AGBL1: variants seen among roughly 807,000 people sequenced by gnomAD.
AGBL1 encodes the protein AGBL carboxypeptidase 1.
Under a neutral mutation model 118.9 loss-of-function variants are expected in AGBL1, and 130 were observed. The observed-to-expected ratio is 1.09, with a 90% CI of 0.95 to 1.26. AGBL1 has a LOEUF of 1.26. Among genes scored for constraint, AGBL1 ranks in the 50% most tolerant of loss-of-function variants. The pLI is 0.00. For synonymous variants in AGBL1, 555 were observed against 478.9 expected (o/e 1.16, Z -2.08); for missense variants, 1,584 against 1,298.1 (o/e 1.22, Z -3.38).
intron 21 of AGBL1, among the ~76,000 whole-genome samples, chr15:86,639,635 C>T (rs995847552): frequency 6.6e-6 from 1 of 152,156 alleles, no homozygotes; most frequent in African/African-American, 2.4e-5. Context: ...CATACAGCTT[C>T]CCGGGTCTCT....
intron 5 of AGBL1, among the ~76,000 whole-genome samples, chr15:86,199,202 A>C (rs1243582312): frequency 6.6e-6 from 1 of 152,102 alleles, no homozygotes; most frequent in Non-Finnish European, 1.5e-5. Flanking sequence ...TTCTTTATAA[A>C]GGTTATATAG....
intron 19 of AGBL1, among the ~76,000 whole-genome samples, chr15:86,523,569 CA>C (rs935647184): frequency 2.0e-5 from 3 of 152,066 alleles, no homozygotes; most frequent in Middle Eastern, 3.4e-3. Context: ...AAAAACTGGG[CA>C]AAAAATCATA....
intron 18 of AGBL1, among the ~76,000 whole-genome samples, chr15:86,443,365 G>A (rs982699283): frequency 2.6e-5 from 4 of 152,262 alleles, no homozygotes; most frequent in South Asian, 4.1e-4. Flanking sequence ...TACGGGGTAT[G>A]TGATATTTTG....
At position 86,442,154 on chromosome 15, in the gene AGBL1, T is replaced by C. The variant is rs571699453; in HGVS notation, c.2555+44608T>C. ...GCCTTGTCACTGGGTACCAGCTATGTGGTGTGTGGTATTCAGCTAGGTTTA... is the reference window on the plus strand; with the variant it reads ...GCCTTGTCACTGGGTACCAGCTATGCGGTGTGTGGTATTCAGCTAGGTTTA... On this transcript the variant is annotated intron_variant, in intron 18 of 22. Transcript: ENST00000614907. 1.4e-4 allele frequency among the ~76,000 whole-genome samples: 21 copies of C among 152,300 alleles called. No individual in the cohort carries two copies. In the East Asian group the frequency reaches 3.9e-3, roughly 28 times the overall value.
intron 7 of AGBL1, among the ~76,000 whole-genome samples, chr15:86,255,529 C>T (rs1164706572): frequency 6.6e-6 from 1 of 152,158 alleles, no homozygotes; most frequent in Non-Finnish European, 1.5e-5. Flanking sequence ...TGCCTGTAAT[C>T]CCAGTACTTT....
intron 18 of AGBL1, among the ~76,000 whole-genome samples, chr15:86,487,752 C>T (rs1447788903): frequency 1.3e-5 from 2 of 152,012 alleles, no homozygotes; most frequent in Non-Finnish European, 2.9e-5. Context: ...CAACGCTGCA[C>T]TGAATGTTGA....
chr15:86,950,274 C>A (rs996922840), intron 23 of AGBL1, among the ~76,000 whole-genome samples: 1 of 150,134 alleles, frequency 6.7e-6, no homozygotes, highest in East Asian at 1.9e-4. Context: ...AAAGTTAAAA[C>A]AAGAAAATAA....
intron 23 of AGBL1, among the ~76,000 whole-genome samples, chr15:86,968,212 G>A (rs752393280): frequency 7.2e-5 from 11 of 151,872 alleles, no homozygotes; most frequent in Middle Eastern, 3.4e-3. Flanking sequence ...CAGAAAGAAG[G>A]CCTAGATTAC....
At chr15:86,742,375 C>A (rs1223256084) in intron 22 of AGBL1, among the ~76,000 whole-genome samples, 1 of 152,138 alleles carries the variant, frequency 6.6e-6, no homozygotes, top group Admixed American at 6.6e-5. Flanking sequence ...AAATATATGA[C>A]AGAAGTGACT....
At chr15:86,742,519 A>G (rs951440414) in intron 22 of AGBL1, among the ~76,000 whole-genome samples, 2 of 152,072 alleles carry the variant, frequency 1.3e-5, no homozygotes, top group African/African-American at 4.8e-5. Flanking sequence ...AGATCAGATT[A>G]TGGGATGCAG....
At chr15:86,419,628 T>C (rs1282642544) in intron 18 of AGBL1, among the ~76,000 whole-genome samples, 1 of 151,392 alleles carries the variant, frequency 6.6e-6, no homozygotes, top group East Asian at 2.0e-4. Context: ...TTCACTCCCC[T>C]GGAAAAGAGG....
chr15:86,887,518 C>A (rs950282407), intron 22 of AGBL1, among the ~76,000 whole-genome samples: 7 of 152,160 alleles, frequency 4.6e-5, no homozygotes, highest in African/African-American at 7.2e-5. Flanking sequence ...TCATTTTAAG[C>A]TTTTAGTTCC....
intron 19 of AGBL1, among the ~76,000 whole-genome samples, chr15:86,535,384 A>T (rs1391754620): frequency 6.6e-6 from 1 of 152,186 alleles, no homozygotes; most frequent in Non-Finnish European, 1.5e-5. Flanking sequence ...ACTGGAAGAA[A>T]GTTCTTAGGC....
intron 22 of AGBL1, among the ~76,000 whole-genome samples, chr15:86,874,415 G>T (rs943645816): frequency 3.5e-4 from 41 of 116,038 alleles, no homozygotes; most frequent in African/African-American, 1.1e-3. Flanking sequence ...CACACCCTGG[G>T]GCCAGTAACC....
At chr15:86,704,766 A>G (rs1383794878) in intron 22 of AGBL1, among the ~76,000 whole-genome samples, 2 of 152,120 alleles carry the variant, frequency 1.3e-5, no homozygotes, top group Admixed American at 6.5e-5. Context: ...ATTTGACCCA[A>G]CAATCCCATT....
chr15:86,554,497 T>G lies in AGBL1; in HGVS notation c.2954T>G (p.Met985Arg). The change falls in exon 21 of 23, where the codon ATG (methionine) becomes AGG (arginine). Residue 985 changes from methionine to arginine, a missense_variant. By Grantham distance (91) the Met-to-Arg change is moderately conservative. Transcript: ENST00000614907. Reference protein sequence around the residue: ...REMGVSRSYTMESSYCGCNQG... With the variant: ...REMGVSRSYTRESSYCGCNQG... ...ATGGGGGTGTCCAGAAGCTACACCA[T>G]GGAAAGCAGCTACTGTGGCTGCAAC... The G allele has an allele frequency of 6.4e-7, 1 of 1,571,180 alleles. No individual in the cohort carries two copies. Among genetic ancestry groups the G allele is most frequent in the Non-Finnish European group, 8.6e-7 (1 of 1,160,478 alleles).
At chr15:86,884,774 T>A (rs2079946407) in intron 22 of AGBL1, among the ~76,000 whole-genome samples, 1 of 152,132 alleles carries the variant, frequency 6.6e-6, no homozygotes, top group Non-Finnish European at 1.5e-5. Flanking sequence ...ATTGCACCAC[T>A]GCACTCCAGC....
At chr15:86,827,858 T>C (rs1332748776) in intron 22 of AGBL1, among the ~76,000 whole-genome samples, 3 of 148,384 alleles carry the variant, frequency 2.0e-5, no homozygotes, top group Admixed American at 6.8e-5. Flanking sequence ...AGATAAAAGA[T>C]GGTAGCCCTA....
intron 15 of AGBL1, among the ~76,000 whole-genome samples, chr15:86,278,635 C>A (rs935577755): frequency 6.6e-6 from 1 of 152,188 alleles, no homozygotes; most frequent in Non-Finnish European, 1.5e-5. Flanking sequence ...CTTCCCCTTC[C>A]CTTTCCCCCA....
Sources: allele counts gnomAD v4.1 joint callset (sites outside exome capture counted in the v4.1 genomes callset), GRCh38; gene constraint gnomAD v4.1.1; transcripts MANE v1.5; gene names NCBI Gene and HGNC (gene_info 2026-07-23, HGNC 2026-07-21).